PACRG: variants seen among roughly 807,000 people sequenced by gnomAD.
PACRG encodes parkin coregulated gene protein.
A neutral mutation model predicts 29.7 loss-of-function variants in PACRG; 29 were observed. The observed-to-expected ratio is 0.98, with a 90% CI of 0.73 to 1.33. The LOEUF is 1.33. PACRG is among the 40% of genes most tolerant of loss of function. The probability of loss-of-function intolerance (pLI) is 0.00; values close to 1 mark genes in which losing one functional copy is unlikely to be tolerated. For missense variants in PACRG, 279 were observed against 316.2 expected (o/e 0.88, Z 0.89); for synonymous variants, 116 against 118.7 (o/e 0.98, Z 0.15).
intron 2 of PACRG, among the ~76,000 whole-genome samples, chr6:163,002,810 A>G (rs1804708370): frequency 6.6e-6 from 1 of 152,242 alleles, no homozygotes; most frequent in Non-Finnish European, 1.5e-5. Context: ...AGGTCTACCT[A>G]TTAGTGACTG....
intron 2 of PACRG, among the ~76,000 whole-genome samples, chr6:162,976,466 C>T (rs1441098770): frequency 6.6e-6 from 1 of 152,130 alleles, no homozygotes; most frequent in Non-Finnish European, 1.5e-5. Flanking sequence ...AAGGTAGTTG[C>T]TGATACCCTC....
At chr6:162,730,938 A>G (rs1196614069) in intron 1 of PACRG, among the ~76,000 whole-genome samples, 1 of 152,062 alleles carries the variant, frequency 6.6e-6, no homozygotes, top group East Asian at 1.9e-4. Context: ...GTAACCCAGT[A>G]TTTTGTTGTC....
chr6:162,889,785 C>T (rs991445635), intron 2 of PACRG, among the ~76,000 whole-genome samples: 2 of 152,210 alleles, frequency 1.3e-5, no homozygotes, highest in African/African-American at 2.4e-5. Context: ...CAAGACTCTT[C>T]GATATGCACT....
At chr6:163,295,123 C>T (rs976224920) in intron 4 of PACRG, among the ~76,000 whole-genome samples, 1 of 152,190 alleles carries the variant, frequency 6.6e-6, no homozygotes, top group Non-Finnish European at 1.5e-5. Flanking sequence ...GGTCAAACCA[C>T]ATGAAATTGA....
chr6:162,901,704 A>C lies in PACRG; in HGVS notation c.291+87423A>C, dbSNP rs142156069. Among the ~76,000 whole-genome samples, 568 of 152,332 alleles carry C rather than the reference A, an allele frequency of 3.7e-3. 2 individuals are homozygous for C. Among genetic ancestry groups the C allele is most frequent in the African/African-American group, 0.013 (536 of 41,588 alleles). On this transcript the variant is annotated intron_variant, in intron 2 of 4. Transcript: ENST00000366888. ...AGAATTTCCTGGAGAGTCATGTAAC[A>C]GGAAGTTGTGCAAATTTGTTAAACA... is the stretch of plus-strand genomic sequence containing the variant.
chr6:163,103,393 T>C (rs2128315058), intron 4 of PACRG, among the ~76,000 whole-genome samples: 1 of 152,290 alleles, frequency 6.6e-6, no homozygotes, highest in African/African-American at 2.4e-5. Flanking sequence ...TTCCTATCAC[T>C]CGGCCTCCCC....
intron 4 of PACRG, among the ~76,000 whole-genome samples, chr6:163,302,750 A>G (rs370349456): frequency 6.6e-6 from 1 of 152,258 alleles, no homozygotes; most frequent in Non-Finnish European, 1.5e-5. Context: ...GGAAACATCC[A>G]ATCTACAGAA....
rs569693215 is a variant in PACRG at position 162,882,696 on chromosome 6, A to C, written c.291+68415A>C. Reference sequence around the variant, plus strand: ...ACACCTGGAGAAAACCATTCTCTGCATCCAGGGCCTTGTCCAGGTCATTTC... The same window carrying C: ...ACACCTGGAGAAAACCATTCTCTGCCTCCAGGGCCTTGTCCAGGTCATTTC... On this transcript the variant is annotated intron_variant, in intron 2 of 4. Transcript: ENST00000366888. 8.5e-5 allele frequency among the ~76,000 whole-genome samples: 13 copies of C among 152,260 alleles called. No homozygotes were observed. In the South Asian group the frequency reaches 2.7e-3, roughly 32 times the overall value.
intron 4 of PACRG, among the ~76,000 whole-genome samples, chr6:163,175,805 C>T (rs2128349918): frequency 6.6e-6 from 1 of 151,516 alleles, no homozygotes. Context: ...GGCTCAATTT[C>T]CACTGAGGAA....
intron 1 of PACRG, among the ~76,000 whole-genome samples, chr6:162,739,617 G>A (rs1275658701): frequency 6.6e-6 from 1 of 152,098 alleles, no homozygotes; most frequent in African/African-American, 2.4e-5. Context: ...GCTGACGCAG[G>A]TGAATCACGA....
chr6:163,237,516 C>T (rs1022100809), intron 4 of PACRG, among the ~76,000 whole-genome samples: 1 of 152,124 alleles, frequency 6.6e-6, no homozygotes, highest in Non-Finnish European at 1.5e-5. Context: ...AACAAAAATG[C>T]TCAACTTTTG....
intron 2 of PACRG, among the ~76,000 whole-genome samples, chr6:162,894,410 T>G (rs1314983694): frequency 6.6e-6 from 1 of 152,240 alleles, no homozygotes; most frequent in African/African-American, 2.4e-5. Flanking sequence ...TGTATCATTA[T>G]GTGATCATTT....
chr6:162,752,170 G>A (rs574304917), intron 1 of PACRG, among the ~76,000 whole-genome samples: 28 of 152,148 alleles, frequency 1.8e-4, no homozygotes, highest in Middle Eastern at 3.4e-3. Flanking sequence ...AGACAGCCTC[G>A]AAGAAGCAAA....
chr6:162,981,905 ATTTT>A (rs61345315), intron 2 of PACRG, among the ~76,000 whole-genome samples: 2 of 124,172 alleles, frequency 1.6e-5, no homozygotes, highest in African/African-American at 2.7e-5. Context: ...CTGGTCCTGG[ATTTT>A]TTTTTTTTTT....
intron 2 of PACRG, among the ~76,000 whole-genome samples, chr6:162,911,804 C>T (rs1211279443): frequency 4.6e-5 from 7 of 152,086 alleles, no homozygotes; most frequent in South Asian, 2.1e-4. Context: ...GGGCTAGTGG[C>T]AGCTGAGCTT....
intron 2 of PACRG, among the ~76,000 whole-genome samples, chr6:163,016,757 G>T (rs1357196339): frequency 6.6e-6 from 1 of 151,954 alleles, no homozygotes; most frequent in Non-Finnish European, 1.5e-5. Flanking sequence ...CTCTACAGTA[G>T]TTATTCAGTT....
intron 2 of PACRG, among the ~76,000 whole-genome samples, chr6:162,976,014 G>A (rs1252077987): frequency 6.6e-6 from 1 of 152,140 alleles, no homozygotes; most frequent in Non-Finnish European, 1.5e-5. Context: ...TGAGACAAGA[G>A]CAGAAATTCA....
At chr6:163,089,064 C>T (rs1167942650) in intron 3 of PACRG, among the ~76,000 whole-genome samples, 195 bp from the exon 4 acceptor site, 4 of 152,130 alleles carry the variant, frequency 2.6e-5, no homozygotes, top group South Asian at 2.1e-4. Context: ...GGAGAATAAA[C>T]AGTAATCAGA....
At chr6:163,245,434 G>T (rs1437986907) in intron 4 of PACRG, among the ~76,000 whole-genome samples, 1 of 152,020 alleles carries the variant, frequency 6.6e-6, no homozygotes, top group Non-Finnish European at 1.5e-5. Flanking sequence ...ACTAAATATG[G>T]CTTTGTTCAT....
Sources: gnomAD v4.1 joint callset for allele counts (sites outside exome capture counted in the v4.1 genomes callset) on GRCh38, gnomAD v4.1.1 for gene constraint, MANE v1.5 for transcripts, NCBI Gene and HGNC (gene_info 2026-07-23, HGNC 2026-07-21) for gene names.